NCLN: variants seen among roughly 807,000 people sequenced by gnomAD.
The protein encoded by NCLN is nicalin, also known as BOS complex subunit NCLN.
In NCLN, 34 loss-of-function variants were observed where a neutral mutation model predicts 69.5. The observed-to-expected ratio is 0.49, with a 90% CI of 0.37 to 0.65. The LOEUF is 0.65. Ranked by LOEUF, NCLN falls within the 30% of genes least tolerant of loss-of-function variation. The pLI, the probability that NCLN is intolerant of heterozygous loss-of-function variation, is 0.00. For synonymous variants in NCLN, 393 were observed against 358.3 expected, an observed-to-expected ratio of 1.10 and a Z score of -1.09; for missense variants, 710 against 804.8, an observed-to-expected ratio of 0.88 and a Z score of 1.42.
rs1186669540 is a variant in NCLN, at chr19:3,198,522, A to C, written c.616-295A>C. Among the ~76,000 whole-genome samples the C allele has an allele frequency of 4.5e-4, 68 of 150,624 alleles. 2 individuals are homozygous for C. Among genetic ancestry groups the C allele is most frequent in the African/African-American group, 1.5e-3 (62 of 40,582 alleles). On this transcript the variant is annotated intron_variant, in intron 4 of 14. Coordinates refer to ENST00000246117, the MANE Select transcript of NCLN (RefSeq NM_020170.4). ...ATTCCGTCTCAAAAAAAAAAAAAAA[A>C]ACACAAACAAAAAAAAAAAACTTAT...
chr19:3,204,247 A>G, intron 8 of NCLN, 103 bp downstream of exon 8: 1 of 1,316,088 alleles, frequency 7.6e-7, no homozygotes, highest in Non-Finnish European at 1.0e-6. Flanking sequence ...TCCGCCCCTC[A>G]GGCTCTGAGG....
Position 3,196,246 on chromosome 19 carries a change from C to T in NCLN, c.584C>T (p.Ala195Val). 6.4e-7 allele frequency: 1 copy of T among 1,553,146 alleles called. No homozygotes were observed. The highest frequency in any genetic ancestry group is 1.2e-5 in the South Asian group (1 of 84,316). ...QMVTSGVQSK[A>V]VSDWLIASVE... ...GTCACCAGCGGGGTACAGAGCAAGG[C>T]CGTGAGTGACTGGCTGATTGCCAGC... The change falls in exon 4 of 15, where the codon GCC (alanine) becomes GTC (valine). Residue 195 changes from alanine (A) to valine (V), a missense_variant. By Grantham distance (64) the Ala-to-Val change is moderately conservative. Transcript: ENST00000246117.
intron 4 of NCLN, among the ~76,000 whole-genome samples, chr19:3,197,059 C>T (rs539937528): frequency 6.3e-4 from 96 of 152,358 alleles, no homozygotes; most frequent in African/African-American, 2.2e-3. Flanking sequence ...ATAGACAGGC[C>T]TTGGCGGAGG....
chr19:3,208,031 A>C lies in NCLN; in HGVS notation c.*343A>C. On this transcript the variant is annotated 3_prime_UTR_variant, in exon 15 of 15. Transcript: ENST00000246117. ...GCACGATTAAAGAGGAGACGCCGGG[A>C]CCCCCTGCCCGATCGCGCGCGGCCT... 1 of 284,706 alleles carries C rather than the reference A, an allele frequency of 3.5e-6. No homozygotes were observed. The highest frequency in any genetic ancestry group is 7.9e-5 in the East Asian group (1 of 12,590). 17.6% of individuals were successfully genotyped at this position (284,706 alleles called of 1,614,324 possible).
At chr19:3,188,697 G>A (rs757536732) in intron 1 of NCLN, among the ~76,000 whole-genome samples, 21 of 152,214 alleles carry the variant, frequency 1.4e-4, no homozygotes, top group Non-Finnish European at 2.2e-4. Flanking sequence ...GAAGCTGGAC[G>A]CAGCTTTCCC....
intron 3 of NCLN, among the ~76,000 whole-genome samples, chr19:3,194,596 G>C (rs1446194370): frequency 3.3e-5 from 5 of 152,230 alleles, no homozygotes; most frequent in Non-Finnish European, 1.5e-5. Context: ...AGCCGAAAGT[G>C]TTATCTGATC....
chr19:3,191,378 C>T (rs959477522), intron 1 of NCLN, among the ~76,000 whole-genome samples: 1 of 152,322 alleles, frequency 6.6e-6, no homozygotes, highest in African/African-American at 2.4e-5. Context: ...CAGCCCCAGG[C>T]TCTCAGCGAC....
At chr19:3,191,222 G>A (rs1435796732) in intron 1 of NCLN, among the ~76,000 whole-genome samples, 1 of 152,116 alleles carries the variant, frequency 6.6e-6, no homozygotes, top group African/African-American at 2.4e-5. Flanking sequence ...GCGTCTTGTT[G>A]GGTGGAGGAC....
chr19:3,192,175 G>A (rs747322106), intron 1 of NCLN, among the ~76,000 whole-genome samples: 1 of 152,212 alleles, frequency 6.6e-6, no homozygotes, highest in African/African-American at 2.4e-5. Context: ...GCAACAGAGT[G>A]AGACCCTGTC....
At chr19:3,186,239 G>C (rs1170174635) in intron 1 of NCLN, 25 bp downstream of exon 1, 1 of 1,429,322 alleles carries the variant, frequency 7.0e-7, no homozygotes, top group African/African-American at 1.5e-5. Flanking sequence ...CCCACCCTCG[G>C]GGCTCCCCGG....
rs776126731 is a variant in NCLN, at chr19:3,207,353, C to T, written c.1554-38C>T. ...TCTAGGGGTTCATGTTACTGCCGCGCACCATCCTCGACCTCAGGGACCCTG... is the reference window on the plus strand; with the variant it reads ...TCTAGGGGTTCATGTTACTGCCGCGTACCATCCTCGACCTCAGGGACCCTG... On this transcript the variant is annotated intron_variant, in intron 13 of 14. Coordinates refer to ENST00000246117, the MANE Select transcript of NCLN (RefSeq NM_020170.4). The T allele has an allele frequency of 7.4e-6, 12 of 1,612,504 alleles. No individual in the cohort carries two copies. In the Admixed American group the frequency reaches 1.8e-4, roughly 25 times the overall value.
At chr19:3,198,761 A>T in intron 4 of NCLN, 56 bp from the exon 5 acceptor site, 1 of 1,464,102 alleles carries the variant, frequency 6.8e-7, no homozygotes, top group Non-Finnish European at 9.3e-7. Context: ...CAAGCCCCAC[A>T]CACGGGTCAC....
intron 6 of NCLN, 54 bp downstream of exon 6, chr19:3,201,680 A>G (rs12979678): frequency 0.21 from 272,880 of 1,327,020 alleles, 31,076 homozygotes; most frequent in African/African-American, 0.28. Context: ...ACTGCCGGAC[A>G]GCGCTGCCCA....
intron 7 of NCLN, 66 bp downstream of exon 7, chr19:3,203,910 A>G (rs546178102): frequency 6.3e-7 from 1 of 1,578,702 alleles, no homozygotes; most frequent in East Asian, 2.3e-5. Flanking sequence ...ACGGAGGCCC[A>G]GGGGTTGCCA....
At chr19:3,187,443 C>T (rs552891622) in intron 1 of NCLN, among the ~76,000 whole-genome samples, 1 of 152,318 alleles carries the variant, frequency 6.6e-6, no homozygotes, top group African/African-American at 2.4e-5. Context: ...TGGTCCCTCT[C>T]GTCACATCTC....
Position 3,204,769 on chromosome 19 carries a change from T to C in NCLN, c.1208+18T>C. Reference sequence around the variant, plus strand: ...GACGTGCGGTGAGCGCGGCAGCACCTGCCCGGCCCCTCCTAGGGCTTTCCT... The same window carrying C: ...GACGTGCGGTGAGCGCGGCAGCACCCGCCCGGCCCCTCCTAGGGCTTTCCT... On this transcript the variant is annotated intron_variant, in intron 9 of 14. Transcript: ENST00000246117. 4 of 1,452,964 alleles carry C rather than the reference T, an allele frequency of 2.8e-6. No individual in the cohort carries two copies. The highest frequency in any genetic ancestry group is 3.6e-6 in the Non-Finnish European group (4 of 1,102,774). 90.0% of individuals were successfully genotyped at this position (1,452,964 alleles called of 1,614,324 possible). A position where few individuals can be genotyped will look rare whatever the true frequency, so the allele number is the denominator to read the frequency against.
chr19:3,207,530 C>T lies in NCLN; in HGVS notation c.1632+61C>T, dbSNP rs564980726. 320 of 1,607,568 alleles carry T rather than the reference C, an allele frequency of 2.0e-4. 1 individual carries two copies. The East Asian group carries it at 5.9e-3, about 30-fold the overall frequency. On this transcript the variant is annotated intron_variant, in intron 14 of 14. Transcript: ENST00000246117. ...GCCCGCCGGGAGGAGCTGGGCTGGG[C>T]GTCTCCAAGTGCATCCTGGCCCCTG...
rs776663902 is a variant in NCLN at position 3,203,850 on chromosome 19, C to T, written c.889+6C>T. On this transcript the variant is annotated splice_donor_region_variant and intron_variant, in intron 7 of 14. Coordinates refer to ENST00000246117, the MANE Select transcript of NCLN (RefSeq NM_020170.4). ...AGACAACCTGGACCACACAGGTGAG[C>T]GGCCCCGGGTGGGGGTGGGGGTGCC... is the stretch of plus-strand genomic sequence containing the variant. 51 of 1,611,292 alleles carry T rather than the reference C, an allele frequency of 3.2e-5. No homozygotes were observed. Among genetic ancestry groups the T allele is most frequent in the East Asian group, 6.7e-5 (3 of 44,794 alleles).
Position 3,207,876 on chromosome 19 carries a change from T to TCTTCTTTTCCTTGTCTTTGAACTTC in NCLN, c.*192_*216dup. On this transcript the variant is annotated 3_prime_UTR_variant, in exon 15 of 15. Coordinates refer to ENST00000246117, the MANE Select transcript of NCLN (RefSeq NM_020170.4). ...TCTCCGAGACTGGGGGGGGATTGTTTCTTCTTTTCCTTGTCTTTGAACTTC... is the reference window on the plus strand; with the variant it reads ...TCTCCGAGACTGGGGGGGGATTGTTTCTTCTTTTCCTTGTCTTTGAACTTCCTTCTTTTCCTTGTCTTTGAACTTC... The TCTTCTTTTCCTTGTCTTTGAACTTC allele has an allele frequency of 5.1e-6, 3 of 589,338 alleles. No homozygotes were observed. Among genetic ancestry groups the TCTTCTTTTCCTTGTCTTTGAACTTC allele is most frequent in the Non-Finnish European group, 3.0e-6 (1 of 329,180 alleles). 36.5% of individuals were successfully genotyped at this position (589,338 alleles called of 1,614,324 possible).
Sources: gnomAD v4.1 joint callset for allele counts (sites outside exome capture counted in the v4.1 genomes callset) on GRCh38, gnomAD v4.1.1 for gene constraint, MANE v1.5 for transcripts, NCBI Gene and HGNC (gene_info 2026-07-23, HGNC 2026-07-21) for gene names.